The following PRKDC variants were observed in gnomAD, a reference collection of about 807,000 sequenced individuals.
PRKDC encodes DNA-dependent protein kinase catalytic subunit.
In PRKDC, 82 loss-of-function variants were observed where a neutral mutation model predicts 486.9. The ratio of observed to expected loss-of-function variants is 0.17; its 90% confidence interval spans 0.14 to 0.20. PRKDC has a LOEUF of 0.20. Among genes scored for constraint, PRKDC ranks in the 10% least tolerant of loss-of-function variants. The pLI, the probability that PRKDC is intolerant of heterozygous loss-of-function variation, is 1.00. For synonymous variants in PRKDC, 1,895 were observed against 1,837.0 expected (o/e 1.03, Z -0.81); for missense variants, 4,504 against 5,038.2 (o/e 0.89, Z 3.21).
chr8:47,902,793 A>G lies in PRKDC; in HGVS notation c.3045T>C (p.Asp1015=), dbSNP rs187813872. The change falls in exon 27 of 86, where the codon GAT becomes GAC. Residue 1015 remains aspartate, a splice_region_variant and synonymous_variant. Coordinates refer to ENST00000314191, the MANE Select transcript of PRKDC (RefSeq NM_006904.7). ...TACTGTCAACAGGGTCCACAATTCC[A>G]TCCTGAAACAAAACAAAGAGACCTT... ...DTVALLEAIL[D]GIVDPVDSTL... is the part of the protein sequence containing the mutation. The G allele has an allele frequency of 3.2e-5, 51 of 1,596,194 alleles. No homozygotes were observed. The East Asian group carries it at 9.6e-4, about 30-fold the overall frequency.
At chr8:47,821,302 T>C (rs769773135) in intron 65 of PRKDC, among the ~76,000 whole-genome samples, 15 of 152,180 alleles carry the variant, frequency 9.9e-5, no homozygotes, top group Admixed American at 6.5e-5. Flanking sequence ...GGCCTGTGTT[T>C]AGCCAGTGAT....
Position 47,835,870 on chromosome 8 carries a change from C to T in PRKDC, c.7951+468G>A, listed in dbSNP as rs562825742. 2.6e-5 allele frequency among the ~76,000 whole-genome samples: 4 copies of T among 151,724 alleles called. No individual in the cohort carries two copies. In the East Asian group the frequency reaches 7.8e-4, roughly 30 times the overall value. On this transcript the variant is annotated intron_variant, in intron 58 of 85. Transcript: ENST00000314191. ...CTTGAACTTCTGGGCTCGAGCCATT[C>T]CCCGCCTCAGCTTCCCCCGTAGCTG...
chr8:47,928,911 C>T (rs192812592), intron 19 of PRKDC, among the ~76,000 whole-genome samples, 181 bp downstream of exon 19: 5 of 151,880 alleles, frequency 3.3e-5, no homozygotes, highest in Non-Finnish European at 7.4e-5. Flanking sequence ...AGGCTGGTCT[C>T]GAACTACTGA....
Position 47,887,718 on chromosome 8 carries a change from C to A in PRKDC, c.4414-13G>T. On this transcript the variant is annotated splice_polypyrimidine_tract_variant and intron_variant, in intron 34 of 85. Coordinates refer to ENST00000314191, the MANE Select transcript of PRKDC (RefSeq NM_006904.7). ...GCAAATCTGTGGACTAAAAGGAAGCCAACACTGAAATGCCTAGCAAAAAGA... is the reference window on the plus strand; with the variant it reads ...GCAAATCTGTGGACTAAAAGGAAGCAAACACTGAAATGCCTAGCAAAAAGA... 1 of 1,593,222 alleles carries A rather than the reference C, an allele frequency of 6.3e-7. No homozygotes were observed. The highest frequency in any genetic ancestry group is 2.2e-5 in the East Asian group (1 of 44,510).
intron 83 of PRKDC, 55 bp from the exon 84 acceptor site, chr8:47,777,929 C>A: frequency 1.3e-6 from 2 of 1,522,846 alleles, no homozygotes; most frequent in South Asian, 1.2e-5. Flanking sequence ...TCTCAAAGTA[C>A]CGAGCACAAA....
At chr8:47,947,093 C>T (rs1273990640) in intron 7 of PRKDC, among the ~76,000 whole-genome samples, 1 of 152,208 alleles carries the variant, frequency 6.6e-6, no homozygotes, top group Non-Finnish European at 1.5e-5. Flanking sequence ...TCTTGACACA[C>T]CAGCTCTTGT....
chr8:47,862,738 G>A (rs1273883958), intron 42 of PRKDC, among the ~76,000 whole-genome samples, 197 bp from the exon 43 acceptor site: 1 of 152,174 alleles, frequency 6.6e-6, no homozygotes, highest in Admixed American at 6.5e-5. Flanking sequence ...ATATATACAT[G>A]GATCTTGCAA....
At chr8:47,800,471 A>C (rs1392329050) in intron 71 of PRKDC, among the ~76,000 whole-genome samples, 1 of 122,232 alleles carries the variant, frequency 8.2e-6, no homozygotes, top group South Asian at 2.9e-4. Context: ...GGTGGGGGGA[A>C]GGGGGAGGGA....
chr8:47,782,373 G>C lies in PRKDC; in HGVS notation c.11396+5C>G, dbSNP rs748463169. The C allele has an allele frequency of 6.2e-7, 1 of 1,606,458 alleles. No individual in the cohort carries two copies. The highest frequency in any genetic ancestry group is 2.2e-5 in the East Asian group (1 of 44,712). On this transcript the variant is annotated splice_donor_5th_base_variant and intron_variant, in intron 79 of 85. Coordinates refer to ENST00000314191, the MANE Select transcript of PRKDC (RefSeq NM_006904.7). This position sits in a 1 kb window ranked among gnomAD's most constrained non-coding sequence, Gnocchi z 4.9. Reference sequence around the variant, plus strand: ...CCTACTGGCTGGGAGCAGCCTGGCAGTTACCTGGAGGTCATGGGCACAACG... The same window carrying C: ...CCTACTGGCTGGGAGCAGCCTGGCACTTACCTGGAGGTCATGGGCACAACG...
At chr8:47,954,938 G>A (rs1246113458) in intron 4 of PRKDC, among the ~76,000 whole-genome samples, 3 of 152,004 alleles carry the variant, frequency 2.0e-5, no homozygotes, top group South Asian at 4.2e-4. Context: ...GGCGGATTAC[G>A]AGGTCAGGAG....
intron 69 of PRKDC, among the ~76,000 whole-genome samples, chr8:47,806,761 T>A (rs988872618): frequency 4.6e-5 from 7 of 152,380 alleles, no homozygotes; most frequent in Non-Finnish European, 8.8e-5. Context: ...ACATTAGGTT[T>A]ATCTGCTTTT....
intron 74 of PRKDC, among the ~76,000 whole-genome samples, chr8:47,792,569 A>C (rs2086899624): frequency 6.6e-6 from 1 of 151,988 alleles, no homozygotes; most frequent in African/African-American, 2.4e-5. Context: ...GACTACAGTA[A>C]ATTTTTATTG....
At chr8:47,821,021 C>A in intron 65 of PRKDC, 78 bp from the exon 66 acceptor site, 1 of 876,330 alleles carries the variant, frequency 1.1e-6, no homozygotes, top group South Asian at 3.2e-5. Context: ...CTATTATATT[C>A]TTTGCTATAC....
chr8:47,946,875 C>A (rs917697683), intron 7 of PRKDC, among the ~76,000 whole-genome samples: 20 of 152,184 alleles, frequency 1.3e-4, no homozygotes, highest in Non-Finnish European at 2.5e-4. Flanking sequence ...CCCTCACTCA[C>A]AGTCTCTCAA....
In PRKDC at chr8:47,935,904, C is replaced by G. The variant is rs370317167; in HGVS notation, c.1279-4G>C. The G allele has an allele frequency of 6.2e-7, 1 of 1,609,004 alleles. No individual in the cohort carries two copies. The highest frequency in any genetic ancestry group is 8.5e-7 in the Non-Finnish European group (1 of 1,177,050). On this transcript the variant is annotated splice_polypyrimidine_tract_variant and splice_region_variant and intron_variant, in intron 12 of 85. Transcript: ENST00000314191. ...CTGGAGTATACACCTCAGGAACCTACCGGAAATAATCAGCAAACCGTGAGT... is the reference window on the plus strand; with the variant it reads ...CTGGAGTATACACCTCAGGAACCTAGCGGAAATAATCAGCAAACCGTGAGT...
chr8:47,959,735 G>C lies in PRKDC; in HGVS notation c.154+238C>G, dbSNP rs184659574. 3.6e-4 allele frequency among the ~76,000 whole-genome samples: 55 copies of C among 152,108 alleles called. No homozygotes were observed. In the East Asian group the frequency reaches 0.01, roughly 29 times the overall value. On this transcript the variant is annotated intron_variant, in intron 1 of 85. Coordinates refer to ENST00000314191, the MANE Select transcript of PRKDC (RefSeq NM_006904.7). Reference sequence around the variant, plus strand: ...CCCCCCACTCTGCATAGCAATGATTGCCATATTAGGGGTCGTTTTCACCAA... The same window carrying C: ...CCCCCCACTCTGCATAGCAATGATTCCCATATTAGGGGTCGTTTTCACCAA...
chr8:47,930,622 ATAAC>A lies in PRKDC; in HGVS notation c.1892+46_1892+49del, dbSNP rs770353175. The A allele has an allele frequency of 8.0e-6, 12 of 1,496,812 alleles. No individual in the cohort carries two copies. In the South Asian group the frequency reaches 1.0e-4, roughly 12 times the overall value. 92.7% of individuals were successfully genotyped at this position (1,496,812 alleles called of 1,614,324 possible). A position where few individuals can be genotyped will look rare whatever the true frequency, so the allele number is the denominator to read the frequency against. ...TAAGGAATTTCCTATATTACAGCCA[ATAAC>A]TAACAATCATTTTCATTCTTAAATA... On this transcript the variant is annotated intron_variant, in intron 17 of 85. Coordinates refer to ENST00000314191, the MANE Select transcript of PRKDC (RefSeq NM_006904.7).
intron 73 of PRKDC, among the ~76,000 whole-genome samples, chr8:47,795,950 A>G (rs1401761237): frequency 1.3e-5 from 2 of 148,698 alleles, no homozygotes; most frequent in Non-Finnish European, 3.0e-5. Flanking sequence ...GCTGGAGTGC[A>G]GTGGCGCCAT....
chr8:47,796,257 C>T (rs908919383), intron 73 of PRKDC, among the ~76,000 whole-genome samples: 5 of 151,640 alleles, frequency 3.3e-5, no homozygotes. Context: ...CAACACTGCA[C>T]ATAATCATCT....
Sources: allele counts gnomAD v4.1 joint callset (sites outside exome capture counted in the v4.1 genomes callset), GRCh38; gene constraint gnomAD v4.1.1; non-coding constraint Gnocchi (gnomAD v3.1); transcripts MANE v1.5; gene names NCBI Gene and HGNC (gene_info 2026-07-23, HGNC 2026-07-21).